SLC10A7: variants seen among roughly 807,000 people sequenced by gnomAD.
SLC10A7 encodes the protein sodium/bile acid cotransporter 7.
Under a neutral mutation model 43.2 loss-of-function variants are expected in SLC10A7, and 29 were observed. The ratio of observed to expected loss-of-function variants is 0.67; its 90% confidence interval spans 0.50 to 0.92. SLC10A7 has a LOEUF of 0.92. Among genes scored for constraint, SLC10A7 ranks in the 40% least tolerant of loss-of-function variants. The pLI is 0.00. For missense variants in SLC10A7, 295 were observed against 403.2 expected (o/e 0.73, Z 2.30); for synonymous variants, 152 against 144.8 (o/e 1.05, Z -0.35).
intron 4 of SLC10A7, among the ~76,000 whole-genome samples, chr4:146,443,657 A>C (rs1244443150): frequency 6.6e-6 from 1 of 152,230 alleles, no homozygotes; most frequent in Admixed American, 6.5e-5. Flanking sequence ...GAATTAAATT[A>C]ATCATTGTGG....
intron 5 of SLC10A7, among the ~76,000 whole-genome samples, chr4:146,403,249 CA>C (rs1012400348): frequency 2.0e-5 from 3 of 152,218 alleles, no homozygotes; most frequent in Non-Finnish European, 4.4e-5. Flanking sequence ...ACGTCTCAGC[CA>C]TTTTCTTTCT....
intron 5 of SLC10A7, among the ~76,000 whole-genome samples, chr4:146,406,676 C>A (rs1021151092): frequency 3.9e-5 from 6 of 152,240 alleles, no homozygotes; most frequent in African/African-American, 1.4e-4. Flanking sequence ...TTCCTAGGAT[C>A]CTTCCTTAAG....
At chr4:146,305,692 C>T (rs1731518907) in intron 7 of SLC10A7, among the ~76,000 whole-genome samples, 1 of 151,842 alleles carries the variant, frequency 6.6e-6, no homozygotes, top group Non-Finnish European at 1.5e-5. Flanking sequence ...GTAGAAGTCC[C>T]TATATATATA....
intron 4 of SLC10A7, among the ~76,000 whole-genome samples, chr4:146,501,474 C>T (rs1736414400): frequency 6.6e-6 from 1 of 152,132 alleles, no homozygotes; most frequent in Non-Finnish European, 1.5e-5. Context: ...TGCCATGTAT[C>T]ACTATCAACC....
At chr4:146,391,249 T>C (rs1251661214) in intron 5 of SLC10A7, among the ~76,000 whole-genome samples, 2 of 152,212 alleles carry the variant, frequency 1.3e-5, no homozygotes, top group African/African-American at 2.4e-5. Flanking sequence ...ATATAAAATA[T>C]ACCAGTTTTT....
At chr4:146,358,887 C>T (rs72952510) in intron 5 of SLC10A7, among the ~76,000 whole-genome samples, 1,672 of 152,190 alleles carry the variant, frequency 0.011, 24 homozygotes, top group African/African-American at 0.038. Context: ...GGATACAACA[C>T]CTGAGAGTAG....
At chr4:146,488,740 A>T (rs1579317677) in intron 4 of SLC10A7, among the ~76,000 whole-genome samples, 1 of 152,208 alleles carries the variant, frequency 6.6e-6, no homozygotes, top group South Asian at 2.1e-4. Context: ...GCTTAGACAA[A>T]GCAGAATAGG....
chr4:146,498,601 T>C (rs1736126130), intron 4 of SLC10A7, among the ~76,000 whole-genome samples: 1 of 152,216 alleles, frequency 6.6e-6, no homozygotes, highest in Non-Finnish European at 1.5e-5. Flanking sequence ...TGACCATGTT[T>C]CTAATATTTA....
rs1188956032 is a variant in SLC10A7, at chr4:146,392,343, G to T, written c.435+50440C>A. ...TCTCCCTTATCTCTTAAACCTATGT[G>T]CCATAATTTAAAAAACATTGAGATT... On this transcript the variant is annotated intron_variant, in intron 5 of 11. Transcript: ENST00000335472. Among the ~76,000 whole-genome samples the T allele has an allele frequency of 2.6e-5, 4 of 152,104 alleles. No individual in the cohort carries two copies. The South Asian group carries it at 6.2e-4, about 24-fold the overall frequency.
chr4:146,511,720 T>G (rs1047137869), intron 2 of SLC10A7, among the ~76,000 whole-genome samples: 1 of 152,154 alleles, frequency 6.6e-6, no homozygotes, highest in Non-Finnish European at 1.5e-5. Flanking sequence ...AGAAGTCATA[T>G]TAGGTCCTGG....
At chr4:146,471,190 A>T (rs766874315) in intron 4 of SLC10A7, among the ~76,000 whole-genome samples, 2 of 152,166 alleles carry the variant, frequency 1.3e-5, no homozygotes, top group Non-Finnish European at 2.9e-5. Flanking sequence ...AGCATTTTCT[A>T]TGAGTGTCAT....
At chr4:146,325,602 G>A (rs1011077359) in intron 6 of SLC10A7, among the ~76,000 whole-genome samples, 1 of 152,092 alleles carries the variant, frequency 6.6e-6, no homozygotes, top group East Asian at 1.9e-4. Flanking sequence ...TGGTCCTAGG[G>A]CTCTTTCTGT....
intron 10 of SLC10A7, among the ~76,000 whole-genome samples, chr4:146,280,305 G>C (rs115694031): frequency 6.6e-6 from 1 of 152,144 alleles, no homozygotes; most frequent in Non-Finnish European, 1.5e-5. Context: ...TGTGTCAGCA[G>C]TGAGAGAAAA....
chr4:146,397,282 G>C (rs1376891542), intron 5 of SLC10A7, among the ~76,000 whole-genome samples: 2 of 152,122 alleles, frequency 1.3e-5, no homozygotes, highest in African/African-American at 4.8e-5. Context: ...TTAAAGCAGG[G>C]CCACTTGCAC....
intron 5 of SLC10A7, among the ~76,000 whole-genome samples, chr4:146,390,396 A>G (rs111344825): frequency 1.1e-4 from 16 of 152,298 alleles, no homozygotes; most frequent in African/African-American, 3.8e-4. Context: ...TGGGAGGCCA[A>G]GGCGGTCAGA....
At chr4:146,495,161 T>C (rs910020676) in intron 4 of SLC10A7, among the ~76,000 whole-genome samples, 3 of 152,172 alleles carry the variant, frequency 2.0e-5, no homozygotes, top group African/African-American at 7.2e-5. Flanking sequence ...AATATACATC[T>C]GCCAGCTTGC....
intron 4 of SLC10A7, among the ~76,000 whole-genome samples, chr4:146,493,318 C>A (rs1286124270): frequency 6.6e-6 from 1 of 151,826 alleles, no homozygotes; most frequent in African/African-American, 2.4e-5. Context: ...CAAAATAAAC[C>A]AAATTATCAA....
At chr4:146,412,959 G>A (rs1162633921) in intron 5 of SLC10A7, among the ~76,000 whole-genome samples, 1 of 151,944 alleles carries the variant, frequency 6.6e-6, no homozygotes, top group Non-Finnish European at 1.5e-5. Context: ...CTTAGTTCCA[G>A]GCACACAGTA....
At chr4:146,305,265 G>A (rs985925688) in intron 7 of SLC10A7, among the ~76,000 whole-genome samples, 1 of 151,392 alleles carries the variant, frequency 6.6e-6, no homozygotes, top group Non-Finnish European at 1.5e-5. Context: ...ATGAGTTCAT[G>A]TCCTTTGTAG....
Sources: gnomAD v4.1 joint callset for allele counts (sites outside exome capture counted in the v4.1 genomes callset) on GRCh38, gnomAD v4.1.1 for gene constraint, MANE v1.5 for transcripts, NCBI Gene and HGNC (gene_info 2026-07-23, HGNC 2026-07-21) for gene names.